The following TENM2 variants were observed in gnomAD, a reference collection of about 807,000 sequenced individuals.
The protein encoded by TENM2 is teneurin transmembrane protein 2.
In TENM2, 52 loss-of-function variants were observed where a neutral mutation model predicts 245.2. That is an observed-to-expected ratio of 0.21 (90% CI 0.17 to 0.27). The LOEUF (loss-of-function observed/expected upper bound fraction) is 0.27. Ranked by LOEUF, TENM2 falls within the 10% of genes least tolerant of loss-of-function variation. The pLI is 1.00. For synonymous variants in TENM2, 1,363 were observed against 1,438.9 expected (o/e 0.95, Z 1.19); for missense variants, 3,046 against 3,666.8 (o/e 0.83, Z 4.37).
chr5:168,260,147 C>G, intron 27 of TENM2, 136 bp from the exon 30 acceptor site: 1 of 844,462 alleles, frequency 1.2e-6, no homozygotes, highest in South Asian at 1.7e-5. Context: ...ACTCAGGAGA[C>G]AGTCATAAGC....
At chr5:166,990,049 A>G in the TENM2 span, among the ~76,000 whole-genome samples, 1 of 152,124 alleles carries the variant, frequency 6.6e-6, no homozygotes, top group African/African-American at 2.4e-5. Flanking sequence ...AAGCATGTTA[A>G]TCATAGGAAT....
intron 3 of TENM2, among the ~76,000 whole-genome samples, chr5:167,909,701 A>T (rs1309410643): frequency 6.6e-6 from 1 of 152,266 alleles, no homozygotes; most frequent in Non-Finnish European, 1.5e-5. Context: ...CAAAGTTTAG[A>T]GGACTGTATT....
At chr5:168,036,402 C>G (rs939800608) in intron 5 of TENM2, among the ~76,000 whole-genome samples, 2 of 151,842 alleles carry the variant, frequency 1.3e-5, no homozygotes, top group Non-Finnish European at 2.9e-5. Flanking sequence ...TTTGGGAGGC[C>G]GAGGCAGGCG....
At chr5:167,342,940 C>A (rs1758214818) in intron 1 of TENM2, among the ~76,000 whole-genome samples, 1 of 151,422 alleles carries the variant, frequency 6.6e-6, no homozygotes, top group Admixed American at 6.6e-5. Flanking sequence ...TGATTGGAGG[C>A]AGAGTATTTA....
intron 2 of TENM2, among the ~76,000 whole-genome samples, chr5:167,603,829 G>A (rs1407482692): frequency 2.0e-5 from 3 of 152,160 alleles, no homozygotes; most frequent in African/African-American, 7.2e-5. Context: ...GTTCTTGCTG[G>A]TAAGACATAG....
the TENM2 span, among the ~76,000 whole-genome samples, chr5:167,099,620 G>A: frequency 1.3e-5 from 2 of 152,266 alleles, no homozygotes; most frequent in African/African-American, 4.8e-5. Context: ...GCTTGAACCC[G>A]GGAGGTGGAG....
Position 167,887,166 on chromosome 5 carries a change from T to C in TENM2, c.712+10971T>C, listed in dbSNP as rs375058808. On this transcript the variant is annotated intron_variant, in intron 3 of 28. Transcript: ENST00000518659. ...CCCTTTTTCAGAATTACAGAACAGC[T>C]TTATAGTCTGCCTTATTCAATTTAG... Among the ~76,000 whole-genome samples, 9 of 152,364 alleles carry C rather than the reference T, an allele frequency of 5.9e-5. No homozygotes were observed. The East Asian group carries it at 1.3e-3, about 23-fold the overall frequency.
At chr5:168,216,526 A>C (rs1248649913) in intron 21 of TENM2, among the ~76,000 whole-genome samples, 2 of 152,188 alleles carry the variant, frequency 1.3e-5, no homozygotes, top group African/African-American at 2.4e-5. Context: ...TGCTTTCGTC[A>C]GTTGCAGGGA....
chr5:167,943,400 G>A (rs1779349229), intron 3 of TENM2, among the ~76,000 whole-genome samples: 1 of 152,046 alleles, frequency 6.6e-6, no homozygotes, highest in Admixed American at 6.5e-5. Flanking sequence ...ATCTCAAAGA[G>A]AGAGAGAAAA....
chr5:167,903,171 A>C (rs1402075956), intron 3 of TENM2, among the ~76,000 whole-genome samples: 3 of 152,196 alleles, frequency 2.0e-5, no homozygotes, highest in Non-Finnish European at 2.9e-5. Flanking sequence ...TCATGCAAGA[A>C]AAGAGTAAAT....
intron 2 of TENM2, among the ~76,000 whole-genome samples, chr5:167,431,235 A>C (rs544155356): frequency 6.6e-6 from 1 of 152,290 alleles, no homozygotes; most frequent in East Asian, 1.9e-4. Context: ...TATGGAAGAA[A>C]ATGATGTACC....
intron 4 of TENM2, among the ~76,000 whole-genome samples, chr5:167,969,415 C>G (rs1032051715): frequency 6.6e-6 from 1 of 152,198 alleles, no homozygotes; most frequent in African/African-American, 2.4e-5. Context: ...GACTGTGAGG[C>G]CTCCTCAGCC....
At chr5:167,170,411 A>T in the TENM2 span, among the ~76,000 whole-genome samples, 1 of 152,228 alleles carries the variant, frequency 6.6e-6, no homozygotes, top group South Asian at 2.1e-4. Flanking sequence ...AAGACAAAAT[A>T]AACGTTGTTT....
chr5:167,423,533 A>T (rs999313716), intron 2 of TENM2, among the ~76,000 whole-genome samples: 1 of 152,118 alleles, frequency 6.6e-6, no homozygotes, highest in Non-Finnish European at 1.5e-5. Context: ...AGGGAAAGAG[A>T]CATTGAAGGA....
At chr5:167,113,971 A>G in the TENM2 span, among the ~76,000 whole-genome samples, 1 of 152,196 alleles carries the variant, frequency 6.6e-6, no homozygotes, top group African/African-American at 2.4e-5. Flanking sequence ...AGAGTACATT[A>G]GAGCAAGCTG....
At chr5:168,130,276 A>G (rs1754455897) in intron 12 of TENM2, 2 of 152,254 alleles carry the variant, frequency 1.3e-5, no homozygotes, top group South Asian at 2.1e-4. Flanking sequence ...TAAGACTTCA[A>G]TGTTAACTGT....
intron 27 of TENM2, among the ~76,000 whole-genome samples, chr5:168,251,980 A>C (rs1767150692): frequency 6.6e-6 from 1 of 152,262 alleles, no homozygotes; most frequent in Non-Finnish European, 1.5e-5. Flanking sequence ...GTTCCTTCTC[A>C]CTTACAGGCT....
intron 2 of TENM2, among the ~76,000 whole-genome samples, chr5:167,410,141 G>T (rs1762833885): frequency 6.6e-6 from 1 of 151,934 alleles, no homozygotes; most frequent in South Asian, 2.1e-4. Context: ...TTTTTACAGT[G>T]ATGATACCAG....
the TENM2 span, among the ~76,000 whole-genome samples, chr5:167,132,849 T>C: frequency 3.1e-4 from 47 of 152,376 alleles, no homozygotes; most frequent in Non-Finnish European, 4.4e-4. Context: ...TGCTCTGGGC[T>C]GCTTTGGGCT....
Sources: allele counts gnomAD v4.1 joint callset (sites outside exome capture counted in the v4.1 genomes callset), GRCh38; gene constraint gnomAD v4.1.1; transcripts MANE v1.5; gene names NCBI Gene and HGNC (gene_info 2026-07-23, HGNC 2026-07-21).